PTPRK: variants seen among roughly 807,000 people sequenced by gnomAD.
The protein encoded by PTPRK is protein tyrosine phosphatase receptor type K, also known as receptor-type tyrosine-protein phosphatase kappa.
In PTPRK, 75 loss-of-function variants were observed where a neutral mutation model predicts 178.0. The ratio of observed to expected loss-of-function variants is 0.42; its 90% CI spans 0.35 to 0.51. PTPRK has a LOEUF of 0.51. PTPRK is among the 20% of genes least tolerant of loss of function. The pLI is 0.02. For synonymous variants in PTPRK, 637 were observed against 620.6 expected (o/e 1.03, Z -0.39); for missense variants, 1,441 against 1,797.8 (o/e 0.80, Z 3.59).
intron 1 of PTPRK, among the ~76,000 whole-genome samples, chr6:128,418,435 G>A (rs961751619): frequency 6.6e-6 from 1 of 152,174 alleles, no homozygotes; most frequent in Non-Finnish European, 1.5e-5. Context: ...TCTGCCTCGT[G>A]TGTCAGATCA....
chr6:128,420,470 A>G (rs1843355854), intron 1 of PTPRK, among the ~76,000 whole-genome samples: 1 of 152,190 alleles, frequency 6.6e-6, no homozygotes. Context: ...ACTAAATCCT[A>G]GACCTTACTT....
intron 3 of PTPRK, among the ~76,000 whole-genome samples, chr6:128,315,767 A>G (rs1827912209): frequency 6.6e-6 from 1 of 152,212 alleles, no homozygotes; most frequent in South Asian, 2.1e-4. Flanking sequence ...TTTGTTTTCT[A>G]AGAATTGAAA....
chr6:128,302,913 C>T (rs911459096), intron 3 of PTPRK, among the ~76,000 whole-genome samples: 11 of 151,968 alleles, frequency 7.2e-5, no homozygotes, highest in African/African-American at 2.7e-4. Context: ...TCACCTAAAC[C>T]AGCATCTTCA....
intron 1 of PTPRK, among the ~76,000 whole-genome samples, chr6:128,480,704 C>T (rs1851967531): frequency 6.6e-6 from 1 of 152,168 alleles, no homozygotes; most frequent in Non-Finnish European, 1.5e-5. Context: ...GAATTAACTT[C>T]CACAAGTTCA....
chr6:128,495,434 A>C (rs1274158848), intron 1 of PTPRK, among the ~76,000 whole-genome samples: 1 of 152,204 alleles, frequency 6.6e-6, no homozygotes. Flanking sequence ...ATTTGTTTTT[A>C]AATCCTCGTG....
intron 12 of PTPRK, among the ~76,000 whole-genome samples, chr6:128,065,134 A>C (rs1781534554): frequency 6.6e-6 from 1 of 152,208 alleles, no homozygotes; most frequent in Admixed American, 6.5e-5. Context: ...GCTAATAAAA[A>C]CAGTTCCAAA....
intron 10 of PTPRK, among the ~76,000 whole-genome samples, chr6:128,080,208 G>C (rs1784568845): frequency 6.6e-6 from 1 of 151,992 alleles, no homozygotes; most frequent in South Asian, 2.1e-4. Context: ...GAAAGGGCAT[G>C]GTACGTTTTA....
At chr6:128,182,028 C>T (rs1195908093) in intron 7 of PTPRK, among the ~76,000 whole-genome samples, 5 of 152,020 alleles carry the variant, frequency 3.3e-5, no homozygotes, top group Admixed American at 3.3e-4. Flanking sequence ...TAAGTACTTC[C>T]CTCCCCAAAA....
intron 1 of PTPRK, among the ~76,000 whole-genome samples, chr6:128,425,140 T>C (rs1172677000): frequency 6.6e-6 from 1 of 150,468 alleles, no homozygotes; most frequent in African/African-American, 2.5e-5. Context: ...TGCAGTGGCG[T>C]GATCTCGGCT....
intron 1 of PTPRK, among the ~76,000 whole-genome samples, chr6:128,463,469 CA>C (rs773135771): frequency 2.6e-5 from 4 of 152,112 alleles, no homozygotes; most frequent in Non-Finnish European, 5.9e-5. Flanking sequence ...ACAAAGGCTT[CA>C]ATTTACCTGT....
chr6:128,071,994 G>C (rs1317039316), intron 11 of PTPRK, among the ~76,000 whole-genome samples: 1 of 152,054 alleles, frequency 6.6e-6, no homozygotes, highest in East Asian at 1.9e-4. Context: ...ATGGGATTGT[G>C]CTTCTTCATT....
At chr6:128,298,792 T>C (rs373352274) in intron 3 of PTPRK, among the ~76,000 whole-genome samples, 30 of 152,010 alleles carry the variant, frequency 2.0e-4, no homozygotes, top group African/African-American at 6.0e-4. Context: ...TGGAAGCATT[T>C]CCTTTGAAAA....
chr6:128,414,700 G>C (rs2128381698), intron 1 of PTPRK, among the ~76,000 whole-genome samples: 1 of 152,290 alleles, frequency 6.6e-6, no homozygotes, highest in Non-Finnish European at 1.5e-5. Context: ...CAGAATATGT[G>C]AAACCAAATG....
chr6:128,295,018 T>C (rs1198079726), intron 3 of PTPRK, among the ~76,000 whole-genome samples: 1 of 152,088 alleles, frequency 6.6e-6, no homozygotes, highest in African/African-American at 2.4e-5. Context: ...CATAAACAGA[T>C]ACATAATTGT....
intron 13 of PTPRK, among the ~76,000 whole-genome samples, chr6:128,020,125 C>G (rs995965697): frequency 1.3e-5 from 2 of 152,004 alleles, no homozygotes; most frequent in African/African-American, 4.8e-5. Context: ...AAGTAATGAG[C>G]TGGTTCACAT....
intron 1 of PTPRK, among the ~76,000 whole-genome samples, chr6:128,445,051 A>T (rs534424876): frequency 6.6e-6 from 1 of 151,670 alleles, no homozygotes; most frequent in Non-Finnish European, 1.5e-5. Flanking sequence ...TGCTCAAAAA[A>T]ATGAGAGCTC....
intron 7 of PTPRK, among the ~76,000 whole-genome samples, chr6:128,139,738 G>A (rs1299394191): frequency 6.6e-6 from 1 of 151,886 alleles, no homozygotes; most frequent in Non-Finnish European, 1.5e-5. Context: ...CAACATCCAG[G>A]AGCTCTGAGT....
At chr6:128,215,840 T>C (rs1809180138) in intron 6 of PTPRK, among the ~76,000 whole-genome samples, 1 of 152,084 alleles carries the variant, frequency 6.6e-6, no homozygotes, top group African/African-American at 2.4e-5. Context: ...AAAATTACCA[T>C]CTTTTGTATC....
intron 7 of PTPRK, among the ~76,000 whole-genome samples, chr6:128,121,645 A>G (rs1377466066): frequency 1.3e-5 from 2 of 152,082 alleles, no homozygotes; most frequent in Non-Finnish European, 1.5e-5. Context: ...AAGGTAATTT[A>G]AAGAAACTCA....
Sources: gnomAD v4.1 joint callset for allele counts (sites outside exome capture counted in the v4.1 genomes callset) on GRCh38, gnomAD v4.1.1 for gene constraint, MANE v1.5 for transcripts, NCBI Gene and HGNC (gene_info 2026-07-23, HGNC 2026-07-21) for gene names.